NEFH: variants seen among roughly 807,000 people sequenced by gnomAD.
NEFH encodes neurofilament heavy chain, also known as neurofilament heavy polypeptide.
NEFH carries 58 observed loss-of-function variants against 56.6 expected under a neutral mutation model. The ratio of observed to expected loss-of-function variants is 1.03; its 90% CI spans 0.83 to 1.28. NEFH has a LOEUF of 1.28. NEFH is among the 50% of genes most tolerant of loss of function. The pLI is 0.00. For synonymous variants in NEFH, 542 were observed against 545.8 expected (o/e 0.99, Z 0.10); for missense variants, 1,221 against 1,307.6 (o/e 0.93, Z 1.02).
chr22:29,484,925 T>C (rs5763264), intron 2 of NEFH, among the ~76,000 whole-genome samples: 108,929 of 151,846 alleles, frequency 0.72, 40,009 homozygotes, highest in East Asian at 0.87. Context: ...GTCTTGTACT[T>C]CCGGGCTCAA....
rs2062996738 is a variant in NEFH, at chr22:29,480,442, C to T, written c.180C>T (p.Ala60=). 2 of 1,531,900 alleles carry T rather than the reference C, an allele frequency of 1.3e-6. No individual in the cohort carries two copies. The highest frequency in any genetic ancestry group is 1.7e-6 in the Non-Finnish European group (2 of 1,145,708). 94.9% of individuals were successfully genotyped at this position (1,531,900 alleles called of 1,614,324 possible). ...GGACGTCCGTGAGCTCCGTGTCCGC[C>T]TCGCCCAGCCGCTTCCGTGGCGCAG... ...WTRTSVSSVS[A]SPSRFRGAGA... is the part of the protein sequence containing the mutation. Residue 60 remains alanine (A), a synonymous_variant, in exon 1 of 4, where the codon GCC becomes GCT. Coordinates refer to ENST00000310624, the MANE Select transcript of NEFH (RefSeq NM_021076.4).
chr22:29,483,570 A>T lies in NEFH; in HGVS notation c.1079A>T (p.Tyr360Phe). The T allele has an allele frequency of 6.2e-7, 1 of 1,613,628 alleles. No individual in the cohort carries two copies. Among genetic ancestry groups the T allele is most frequent in the Non-Finnish European group, 8.5e-7 (1 of 1,179,994 alleles). Residue 360 changes from tyrosine to phenylalanine, a missense_variant, in exon 2 of 4, where the codon TAC becomes TTC. This residue lies in a region of NEFH where 640 missense variants were observed against 555.5 expected (regional missense o/e 1.15). Transcript: ENST00000310624. The part of the protein sequence containing the change: ...EDRHQADIAS[Y>F]QEAIQQLDAE... ...CGTCATCAGGCCGACATTGCCTCCT[A>T]CCAGGTGGGCAGGGGCAAGGCAGAC...
intron 1 of NEFH, among the ~76,000 whole-genome samples, 191 bp downstream of exon 1, chr22:29,481,336 T>C (rs765735206): frequency 2.6e-5 from 4 of 152,180 alleles, no homozygotes; most frequent in Non-Finnish European, 5.9e-5. Flanking sequence ...GCCCCAACTC[T>C]GGGTTGTCCT....
intron 1 of NEFH, among the ~76,000 whole-genome samples, chr22:29,481,445 C>G (rs572473583): frequency 2.9e-4 from 44 of 152,216 alleles, no homozygotes; most frequent in African/African-American, 1.1e-3. Context: ...TGAGATCCCT[C>G]CCCCGTCAAG....
chr22:29,488,822 T>C (rs1001826725), intron 3 of NEFH, 27 bp from the exon 4 acceptor site: 8 of 1,612,616 alleles, frequency 5.0e-6, no homozygotes, highest in Admixed American at 1.7e-5. Context: ...GAGTTTATAC[T>C]AATGTGTTCC....
Position 29,489,664 on chromosome 22 carries a change from A to C in NEFH, c.2024A>C (p.Lys675Thr). The change falls in exon 4 of 4, where the codon AAG becomes ACG. Residue 675 changes from lysine (K) to threonine (T), a missense_variant. Around this residue, in one of 4 missense-constraint regions of NEFH, gnomAD observed 37 missense variants for 106.4 expected, o/e 0.35. Coordinates refer to ENST00000310624, the MANE Select transcript of NEFH (RefSeq NM_021076.4). ...KAKSPVKAEA[K>T]SPEKAKSPVK... ...AAGTCCCCAGTGAAGGCAGAAGCAA[A>C]GTCCCCTGAGAAGGCCAAGTCCCCA... 1 of 1,610,494 alleles carries C rather than the reference A, an allele frequency of 6.2e-7. No homozygotes were observed. Among genetic ancestry groups the C allele is most frequent in the South Asian group, 1.1e-5 (1 of 90,586 alleles).
chr22:29,485,208 T>C (rs1221505303), intron 2 of NEFH, among the ~76,000 whole-genome samples: 5 of 152,144 alleles, frequency 3.3e-5, no homozygotes, highest in African/African-American at 4.8e-5. Context: ...GTTCAAGCAA[T>C]TCTCCTGTCT....
intron 3 of NEFH, 38 bp downstream of exon 3, chr22:29,485,885 T>C (rs759172742): frequency 1.2e-6 from 2 of 1,613,434 alleles, no homozygotes; most frequent in South Asian, 2.2e-5. Flanking sequence ...TGAAGAAAGC[T>C]TGTGTTCCTG....
rs753511635 is a variant in NEFH, at chr22:29,490,476, GAGA to G, written c.2842_2844del (p.Lys948del). 1.3e-5 allele frequency: 20 copies of G among 1,589,706 alleles called. No homozygotes were observed. Among genetic ancestry groups the G allele is most frequent in the Non-Finnish European group, 1.6e-5 (19 of 1,173,596 alleles). ...GGCCAAGGAACCCAGCAAACCAGCA[GAGA>G]AGAAGGAGGCAGCACCGGAGAAAAA... On this transcript the variant is annotated inframe_deletion, in exon 4 of 4. Coordinates refer to ENST00000310624, the MANE Select transcript of NEFH (RefSeq NM_021076.4).
rs1365000362 is a variant in NEFH, at chr22:29,490,309, T to C, written c.2669T>C (p.Val890Ala). The C allele has an allele frequency of 2.5e-6, 4 of 1,611,362 alleles. No individual in the cohort carries two copies. The highest frequency in any genetic ancestry group is 2.5e-6 in the Non-Finnish European group (3 of 1,179,168). The part of the protein sequence containing the change: ...PAVEKPKESK[V>A]EAKKEEAEDK... ...GTCGAAAAGCCCAAAGAATCCAAAG[T>C]TGAAGCCAAGAAGGAAGAGGCTGAA... The change falls in exon 4 of 4, where the codon GTT becomes GCT. Residue 890 changes from valine to alanine, a missense_variant. Physicochemically the swap from Val to Ala is moderately conservative, Grantham distance 64. Coordinates refer to ENST00000310624, the MANE Select transcript of NEFH (RefSeq NM_021076.4).
chr22:29,480,465 C>G lies in NEFH; in HGVS notation c.203C>G (p.Ala68Gly). Residue 68 changes from alanine (A) to glycine (G), a missense_variant, in exon 1 of 4, where the codon GCA becomes GGA. Physicochemically the swap from Ala to Gly is moderately conservative, Grantham distance 60. Coordinates refer to ENST00000310624, the MANE Select transcript of NEFH (RefSeq NM_021076.4). ...VSASPSRFRG[A>G]GAASSTDSLD... ...GCCTCGCCCAGCCGCTTCCGTGGCGCAGGCGCCGCCTCAAGCACCGACTCG... is the reference window on the plus strand; with the variant it reads ...GCCTCGCCCAGCCGCTTCCGTGGCGGAGGCGCCGCCTCAAGCACCGACTCG... 6.5e-7 allele frequency: 1 copy of G among 1,532,580 alleles called. No individual in the cohort carries two copies. Among genetic ancestry groups the G allele is most frequent in the South Asian group, 1.2e-5 (1 of 83,888 alleles). The allele number at this position is 1,532,580 out of a possible 1,614,324, so 94.9% of individuals were successfully genotyped here. A position where few individuals can be genotyped will look rare whatever the true frequency, so the allele number is the denominator to read the frequency against.
In NEFH at chr22:29,489,494, C is replaced by T; in HGVS notation, c.1854C>T (p.Ala618=). ...AAGAAGCAAAGTCACCGGCTGAGGC[C>T]AAGTCCCCAGTGAAGGAAGAAGCAA... ...VKEEAKSPAE[A]KSPVKEEAKS... The change falls in exon 4 of 4, where the codon GCC becomes GCT. Residue 618 remains alanine, a synonymous_variant. Coordinates refer to ENST00000310624, the MANE Select transcript of NEFH (RefSeq NM_021076.4). The T allele has an allele frequency of 6.3e-7, 1 of 1,598,596 alleles. No individual in the cohort carries two copies. The highest frequency in any genetic ancestry group is 8.6e-7 in the Non-Finnish European group (1 of 1,169,516).
intron 3 of NEFH, among the ~76,000 whole-genome samples, chr22:29,487,412 T>C (rs1006801274): frequency 6.6e-6 from 1 of 151,720 alleles, no homozygotes; most frequent in African/African-American, 2.4e-5. Flanking sequence ...AGACAGATTG[T>C]TTCAGTTCAG....
chr22:29,483,033 C>A lies in NEFH; in HGVS notation c.884-342C>A, dbSNP rs143372377. Among the ~76,000 whole-genome samples, 496 of 152,254 alleles carry A rather than the reference C, an allele frequency of 3.3e-3. 1 individual carries two copies. Among genetic ancestry groups the A allele is most frequent in the African/African-American group, 0.011 (465 of 41,564 alleles). On this transcript the variant is annotated intron_variant, in intron 1 of 3. Coordinates refer to ENST00000310624, the MANE Select transcript of NEFH (RefSeq NM_021076.4). ...TGGTGGCTCACACCTGTAATTCCAG[C>A]TCTTTGGGAGGCCGAGGTGGGCGAA...
In NEFH at chr22:29,480,665, C is replaced by T. The variant is rs1221125249; in HGVS notation, c.403C>T (p.Gln135Ter). 3 of 1,549,706 alleles carry T rather than the reference C, an allele frequency of 1.9e-6. No individual in the cohort carries two copies. Among genetic ancestry groups the T allele is most frequent in the Non-Finnish European group, 2.6e-6 (3 of 1,156,406 alleles). Residue 135 changes from glutamine to a stop codon, truncating the protein, a stop_gained, in exon 1 of 4, where the codon CAG becomes TAG. Transcript: ENST00000310624. LOFTEE classifies it high-confidence loss of function. Reference sequence around the variant, plus strand: ...GGGCGAGGCTGCGGCGCTGCGGCAGCAGCAGGCGGGCCGCTCCGCTATGGG... The same window carrying T: ...GGGCGAGGCTGCGGCGCTGCGGCAGTAGCAGGCGGGCCGCTCCGCTATGGG... ...LEGEAAALRQQQAGRSAMGEL... is the reference protein window; with the variant it reads ...LEGEAAALRQ
chr22:29,485,822 C>G lies in NEFH; in HGVS notation c.1183C>G (p.Leu395Val). The change falls in exon 3 of 4, where the codon CTG becomes GTG. Residue 395 changes from leucine (L) to valine (V), a missense_variant. Physicochemically the swap from Leu to Val is conservative, Grantham distance 32. Coordinates refer to ENST00000310624, the MANE Select transcript of NEFH (RefSeq NM_021076.4). ...YQDLLNVKMA[L>V]DIEIAAYRKL... is the part of the protein sequence containing the mutation. ...GGACCTGCTCAATGTCAAGATGGCTCTGGATATAGAGATAGCCGCTTACAG... is the reference window on the plus strand; with the variant it reads ...GGACCTGCTCAATGTCAAGATGGCTGTGGATATAGAGATAGCCGCTTACAG... 1 of 1,614,222 alleles carries G rather than the reference C, an allele frequency of 6.2e-7. No individual in the cohort carries two copies. The highest frequency in any genetic ancestry group is 8.5e-7 in the Non-Finnish European group (1 of 1,180,038).
intron 3 of NEFH, among the ~76,000 whole-genome samples, chr22:29,486,239 G>A (rs2063043610): frequency 6.6e-6 from 1 of 151,406 alleles, no homozygotes; most frequent in African/African-American, 2.4e-5. Flanking sequence ...TGGCCAGGCT[G>A]GTCTCAAACT....
In NEFH at chr22:29,485,758, C is replaced by T. The variant is rs2063040667; in HGVS notation, c.1119C>T (p.Asn373=). Residue 373 remains asparagine (N), a synonymous_variant, in exon 3 of 4, where the codon AAC becomes AAT. Transcript: ENST00000310624. The part of the protein sequence containing the change: ...AIQQLDAELR[N]TKWEMAAQLR... ...AGCAGCTGGACGCTGAGCTGAGGAA[C>T]ACCAAGTGGGAGATGGCCGCCCAGC... 1.2e-6 allele frequency: 2 copies of T among 1,614,106 alleles called. No homozygotes were observed. The highest frequency in any genetic ancestry group is 1.7e-5 in the Admixed American group (1 of 60,000).
intron 3 of NEFH, among the ~76,000 whole-genome samples, chr22:29,486,528 T>C (rs1271382816): frequency 6.8e-6 from 1 of 148,068 alleles, no homozygotes; most frequent in African/African-American, 2.5e-5. Flanking sequence ...TCTTTTTTTT[T>C]TTTTTTTTTT....
Sources: gnomAD v4.1 joint callset for allele counts (sites outside exome capture counted in the v4.1 genomes callset) on GRCh38, gnomAD v4.1.1 for gene constraint, gnomAD v4.1.1 regional missense constraint, MANE v1.5 for transcripts, NCBI Gene and HGNC (gene_info 2026-07-23, HGNC 2026-07-21) for gene names.